Variants in EP400 observed in about 807,000 individuals in gnomAD.
EP400 encodes E1A-binding protein p400.
A neutral mutation model predicts 354.1 loss-of-function variants in EP400; 105 were observed. The observed-to-expected ratio is 0.30, with a 90% CI of 0.25 to 0.35. The LOEUF (loss-of-function observed/expected upper bound fraction) is 0.35. Among genes scored for constraint, EP400 ranks in the 10% least tolerant of loss-of-function variants. The pLI, the probability that EP400 is intolerant of heterozygous loss-of-function variation, is 1.00. For synonymous variants in EP400, 1,646 were observed against 1,716.9 expected (o/e 0.96, Z 1.02); for missense variants, 3,280 against 4,121.0 (o/e 0.80, Z 5.59).
chr12:132,074,212 A>T (rs1009944608), intron 51 of EP400, among the ~76,000 whole-genome samples: 6 of 152,028 alleles, frequency 3.9e-5, no homozygotes, highest in Non-Finnish European at 2.9e-5. Flanking sequence ...GGCATGAGCC[A>T]CCGCGCCCGG....
rs141709214 is a variant in EP400 at position 132,068,370 on chromosome 12, A to G, written c.8874+884A>G. ...CTTGAGGAAACTGAGGCTCAGAGAA[A>G]AGGACTTGCCCAGATCACAGGGCCA... On this transcript the variant is annotated intron_variant, in intron 50 of 52. Transcript: ENST00000389561. 4 of 152,466 alleles carry G rather than the reference A, an allele frequency of 2.6e-5. No homozygotes were observed. In the East Asian group the frequency reaches 7.7e-4, roughly 29 times the overall value. The allele number at this position is 152,466 out of a possible 1,614,324, so 9.4% of individuals were successfully genotyped here. A position where few individuals can be genotyped will look rare whatever the true frequency, so the allele number is the denominator to read the frequency against.
At position 131,960,912 on chromosome 12, in the gene EP400, G is replaced by A. The variant is rs1891859225; in HGVS notation, c.293G>A (p.Ser98Asn). The change falls in exon 2 of 53, where the codon AGC becomes AAC. Residue 98 changes from serine (S) to asparagine (N), a missense_variant. Coordinates refer to ENST00000389561, the MANE Select transcript of EP400 (RefSeq NM_015409.5). ...ACACTGGCCCCACTGCCGCTCCCCA[G>A]CCCCACCTCTCCAGGCTTCCAGTTC... Reference protein sequence around the residue: ...QITLAPLPLPSPTSPGFQFSA... With the variant: ...QITLAPLPLPNPTSPGFQFSA... The A allele has an allele frequency of 6.2e-6, 10 of 1,613,582 alleles. No individual in the cohort carries two copies. Among genetic ancestry groups the A allele is most frequent in the Non-Finnish European group, 8.5e-6 (10 of 1,179,992 alleles).
chr12:132,028,343 A>G, intron 27 of EP400, 55 bp downstream of exon 27: 1 of 1,589,114 alleles, frequency 6.3e-7, no homozygotes, highest in South Asian at 1.1e-5. Flanking sequence ...GCACCCCGGC[A>G]AGACCCCTTC....
At chr12:132,000,964 G>C (rs562185033) in intron 12 of EP400, among the ~76,000 whole-genome samples, 3 of 152,294 alleles carry the variant, frequency 2.0e-5, no homozygotes, top group South Asian at 4.1e-4. Flanking sequence ...TTGCAGGTCT[G>C]ATTCTGCTGT....
chr12:131,982,983 A>AAAAT (rs1892733313), intron 5 of EP400, among the ~76,000 whole-genome samples: 1 of 149,652 alleles, frequency 6.7e-6, no homozygotes, highest in African/African-American at 2.5e-5. Flanking sequence ...AAAAAAAAAA[A>AAAAT]AATAATAATA....
rs1893980548 is a variant in EP400, at chr12:132,017,418, A to G, written c.3924-117A>G. On this transcript the variant is annotated intron_variant, in intron 19 of 52. Coordinates refer to ENST00000389561, the MANE Select transcript of EP400 (RefSeq NM_015409.5). The surrounding 1 kb of genome is among the most constrained non-coding windows in gnomAD (Gnocchi z 5.0). ...CCACTCTGTCTAACTCATTAAGCGG[A>G]CCTAGAAAATCTGCTCCTGCCTGCC... 9.3e-7 allele frequency: 1 copy of G among 1,075,776 alleles called. No individual in the cohort carries two copies. Among genetic ancestry groups the G allele is most frequent in the African/African-American group, 1.6e-5 (1 of 62,742 alleles). The allele number at this position is 1,075,776 out of a possible 1,614,324, so 66.6% of individuals were successfully genotyped here. A position where few individuals can be genotyped will look rare whatever the true frequency, so the allele number is the denominator to read the frequency against.
chr12:132,036,326 G>A (rs969706348), intron 30 of EP400, among the ~76,000 whole-genome samples: 5 of 150,380 alleles, frequency 3.3e-5, no homozygotes, highest in Admixed American at 6.6e-5. Flanking sequence ...AGGTTCATAC[G>A]GAACATCGTG....
chr12:131,995,086 G>A (rs1005074614), intron 12 of EP400, 130 bp downstream of exon 12: 28 of 807,952 alleles, frequency 3.5e-5, no homozygotes, highest in Non-Finnish European at 5.1e-5. Context: ...GTCCCTGTGT[G>A]CCTCCTGCTG....
rs772862789 is a variant in EP400, at chr12:132,053,538, G to A, written c.7669G>A (p.Val2557Met). 3.9e-6 allele frequency: 6 copies of A among 1,554,716 alleles called. No homozygotes were observed. The African/African-American group carries it at 6.8e-5, about 18-fold the overall frequency. The stretch of plus-strand genomic sequence containing the variant: ...ACAGCCCCAGACCCAGCCACAGCCT[G>A]TGCAGGCCCCAGCGAAGGCGCAGCC... ...QPQPQTQPQPVQAPAKAQPAI... is the reference protein window; with the variant it reads ...QPQPQTQPQPMQAPAKAQPAI... Residue 2557 changes from valine (V) to methionine (M), a missense_variant, in exon 43 of 53, where the codon GTG (valine) becomes ATG (methionine). This residue lies in a region of EP400 where 255 missense variants were observed against 295.9 expected (regional missense o/e 0.86). Coordinates refer to ENST00000389561, the MANE Select transcript of EP400 (RefSeq NM_015409.5).
At chr12:131,980,862 ATATC>A (rs1892658485) in intron 3 of EP400, among the ~76,000 whole-genome samples, 1 of 152,176 alleles carries the variant, frequency 6.6e-6, no homozygotes, top group Non-Finnish European at 1.5e-5. Flanking sequence ...GTCTGTCAAT[ATATC>A]TAAAGGAAAA....
chr12:131,979,601 G>T (rs2136488574), intron 2 of EP400, 93 bp from the exon 3 acceptor site: 3 of 1,063,490 alleles, frequency 2.8e-6, no homozygotes, highest in Non-Finnish European at 2.7e-6. Context: ...AGAAAGGAAG[G>T]AGGTCGATGT....
At chr12:131,980,410 C>T (rs1481321360) in intron 3 of EP400, among the ~76,000 whole-genome samples, 4 of 152,174 alleles carry the variant, frequency 2.6e-5, no homozygotes, top group African/African-American at 7.2e-5. Flanking sequence ...CATGCTGTTC[C>T]GTCTTGGGGA....
intron 32 of EP400, among the ~76,000 whole-genome samples, chr12:132,043,074 G>A (rs555565896): frequency 1.8e-4 from 27 of 152,316 alleles, no homozygotes; most frequent in African/African-American, 5.3e-4. Flanking sequence ...TGTCCAACTC[G>A]ATAGTAAGGT....
chr12:131,987,919 CTG>C, intron 7 of EP400, 29 bp downstream of exon 7: 1 of 1,526,870 alleles, frequency 6.5e-7, no homozygotes. Context: ...AGCTGCTGTG[CTG>C]TGTGCGTTGG....
chr12:132,077,356 C>T (rs182074075), intron 52 of EP400, 45 bp from the exon 53 acceptor site: 53 of 1,582,012 alleles, frequency 3.4e-5, no homozygotes, highest in Non-Finnish European at 4.1e-5. Context: ...TGTCCCTGGA[C>T]TGAGTTTCCT....
Position 132,050,666 on chromosome 12 carries a change from A to G in EP400, c.7394+11A>G, listed in dbSNP as rs753806770. 5.1e-5 allele frequency: 83 copies of G among 1,614,056 alleles called. No individual in the cohort carries two copies. Among genetic ancestry groups the G allele is most frequent in the Non-Finnish European group, 1.2e-5 (14 of 1,180,022 alleles). On this transcript the variant is annotated intron_variant, in intron 41 of 52. Transcript: ENST00000389561. This position sits in a 1 kb window ranked among gnomAD's most constrained non-coding sequence, Gnocchi z 4.8. ...TGTGTTGGCAGAAAGGTATTTCTCT[A>G]TTCGTGACACATTTGTTACTGTTTG...
At chr12:132,051,312 GGAGAC>G (rs1219600933) in intron 41 of EP400, among the ~76,000 whole-genome samples, 1 of 152,174 alleles carries the variant, frequency 6.6e-6, no homozygotes, top group Non-Finnish European at 1.5e-5. Flanking sequence ...CCCCGTGTGC[GGAGAC>G]GAGAGAGCGT....
At chr12:132,064,027 C>G (rs549651616) in intron 47 of EP400, among the ~76,000 whole-genome samples, 3 of 147,120 alleles carry the variant, frequency 2.0e-5, no homozygotes, top group Non-Finnish European at 1.5e-5. Context: ...ACTGATGACC[C>G]CCCCCCGGCC....
At chr12:132,000,475 A>G (rs1893369613) in intron 12 of EP400, among the ~76,000 whole-genome samples, 1 of 152,224 alleles carries the variant, frequency 6.6e-6, no homozygotes, top group Non-Finnish European at 1.5e-5. Context: ...ACCAGGTAGA[A>G]CTTGTTGATT....
Sources: allele counts gnomAD v4.1 joint callset (sites outside exome capture counted in the v4.1 genomes callset), GRCh38; gene constraint gnomAD v4.1.1; regional missense constraint gnomAD v4.1.1; non-coding constraint Gnocchi (gnomAD v3.1); transcripts MANE v1.5; gene names NCBI Gene and HGNC (gene_info 2026-07-23, HGNC 2026-07-21).